ERBB2: variants seen among roughly 807,000 people sequenced by gnomAD.
The protein encoded by ERBB2 is erb-b2 receptor tyrosine kinase 2.
In ERBB2, 61 loss-of-function variants were observed where a neutral mutation model predicts 149.0. The ratio of observed to expected loss-of-function variants is 0.41; its 90% CI spans 0.33 to 0.51. ERBB2 has a LOEUF of 0.51. Among genes scored for constraint, ERBB2 ranks in the 20% least tolerant of loss-of-function variants. The pLI, the probability that ERBB2 is intolerant of heterozygous loss-of-function variation, is 0.25. For missense variants in ERBB2, 1,205 were observed against 1,655.1 expected (o/e 0.73, Z 4.72); for synonymous variants, 633 against 678.8 (o/e 0.93, Z 1.05).
upstream of ERBB2, among the ~76,000 whole-genome samples, chr17:39,691,930 T>TATAC (rs376500288): frequency 2.0e-4 from 16 of 80,796 alleles, no homozygotes; most frequent in East Asian, 2.9e-3. Flanking sequence ...TACATATACA[T>TATAC]ATACATATAT....
intron 2 of ERBB2, among the ~76,000 whole-genome samples, chr17:39,689,822 T>C (rs1329337811): frequency 1.3e-5 from 2 of 151,622 alleles, no homozygotes; most frequent in East Asian, 3.9e-4. Context: ...GGAGAATCGC[T>C]TGAACCCAGG....
chr17:39,697,683 CTT>C (rs1241687503), upstream of ERBB2, among the ~76,000 whole-genome samples: 1 of 151,278 alleles, frequency 6.6e-6, no homozygotes, highest in East Asian at 2.0e-4. Flanking sequence ...TGTTCAATTC[CTT>C]TCTCTCTCTT....
chr17:39,723,248 C>T lies in ERBB2; in HGVS notation c.1947-71C>T. On this transcript the variant is annotated intron_variant, in intron 16 of 26. Coordinates refer to ENST00000269571, the MANE Select transcript of ERBB2 (RefSeq NM_004448.4). This position sits in a 1 kb window ranked among gnomAD's most constrained non-coding sequence, Gnocchi z 6.2. ...TCCGAATGCCAAACACCTTCATGTC[C>T]CCCGTGGGCCCCCTTTGTCCCTCCC... 6.8e-7 allele frequency: 1 copy of T among 1,481,148 alleles called. No homozygotes were observed. The highest frequency in any genetic ancestry group is 1.2e-5 in the South Asian group (1 of 84,266). The allele number at this position is 1,481,148 out of a possible 1,614,324, so 91.8% of individuals were successfully genotyped here.
intron 7 of ERBB2, 82 bp downstream of exon 7, chr17:39,710,563 T>A (rs2145530965): frequency 6.7e-7 from 1 of 1,501,256 alleles, no homozygotes; most frequent in Non-Finnish European, 9.2e-7. Context: ...GGGAGCACTG[T>A]CTGCATCTTG....
upstream of ERBB2, among the ~76,000 whole-genome samples, chr17:39,694,247 ATATATATATATATATATATATGTG>A (rs1567887995): frequency 1.4e-4 from 6 of 43,846 alleles, no homozygotes; most frequent in South Asian, 1.1e-3. Context: ...ATATATATAT[ATATATATATATATATATATATGTG>A]TGTATATATA....
upstream of ERBB2, among the ~76,000 whole-genome samples, chr17:39,691,464 A>C (rs746426025): frequency 1.1e-4 from 16 of 151,092 alleles, no homozygotes; most frequent in South Asian, 2.1e-4. Context: ...GAATTGCTTG[A>C]ACCAGGGAGT....
At chr17:39,719,008 C>T (rs2059304355) in intron 15 of ERBB2, among the ~76,000 whole-genome samples, 1 of 152,160 alleles carries the variant, frequency 6.6e-6, no homozygotes, top group African/African-American at 2.4e-5. Context: ...CGCCTGTAAT[C>T]CCAGCACTTT....
chr17:39,724,270 TAA>T (rs2059614243), intron 19 of ERBB2, among the ~76,000 whole-genome samples: 2 of 128,190 alleles, frequency 1.6e-5, no homozygotes, highest in South Asian at 2.8e-4. Context: ...AAGCGCCCGC[TAA>T]TTTTTTTTTT....
At chr17:39,715,565 GGGGAGGAGTCCCA>G (rs779252134) in intron 11 of ERBB2, 29 bp downstream of exon 11, 65 of 1,605,744 alleles carry the variant, frequency 4.0e-5, no homozygotes, top group East Asian at 1.1e-4. Flanking sequence ...GGGGCCTGAT[GGGGAGGAGTCCCA>G]GGGAGGAGTC....
chr17:39,697,358 T>G (rs1398029562), upstream of ERBB2, among the ~76,000 whole-genome samples: 3 of 147,414 alleles, frequency 2.0e-5, no homozygotes, highest in African/African-American at 7.8e-5. Context: ...TGTTTTGTTT[T>G]TTTTTTTTTT....
chr17:39,695,891 T>A (rs1406200545), upstream of ERBB2, among the ~76,000 whole-genome samples: 2 of 152,154 alleles, frequency 1.3e-5, no homozygotes, highest in African/African-American at 2.4e-5. Context: ...CTCTTCAGTG[T>A]CAGTGGTCAC....
intron 9 of ERBB2, among the ~76,000 whole-genome samples, chr17:39,714,082 C>T (rs1029004494): frequency 2.0e-5 from 3 of 150,798 alleles, no homozygotes; most frequent in Non-Finnish European, 4.4e-5. Context: ...AAAAAAAATT[C>T]CCTTTCACAC....
rs1053130436 is a variant in ERBB2, at chr17:39,709,410, C to A, written c.532C>A (p.Gln178Lys). The change falls in exon 4 of 27, where the codon CAG becomes AAG. Residue 178 changes from glutamine (Q) to lysine (K), a missense_variant. Coordinates refer to ENST00000269571, the MANE Select transcript of ERBB2 (RefSeq NM_004448.4). ...LWKDIFHKNN[Q>K]LALTLIDTNR... is the part of the protein sequence containing the mutation. The stretch of plus-strand genomic sequence containing the variant: ...GAAGGACATCTTCCACAAGAACAAC[C>A]AGCTGGCTCTCACACTGATAGACAC... The A allele has an allele frequency of 6.2e-7, 1 of 1,613,998 alleles. No homozygotes were observed. The highest frequency in any genetic ancestry group is 8.5e-7 in the Non-Finnish European group (1 of 1,180,016).
rs766484337 is a variant in ERBB2 at position 39,716,443 on chromosome 17, G to A, written c.1646+10G>A. ...GCCGAGTACTGCAGGGGTATGAGGG[G>A]CGGAGGAGAGGGTGGCTGGAGGGGT... is the stretch of plus-strand genomic sequence containing the variant. On this transcript the variant is annotated intron_variant, in intron 13 of 26. Coordinates refer to ENST00000269571, the MANE Select transcript of ERBB2 (RefSeq NM_004448.4). 6 of 1,612,826 alleles carry A rather than the reference G, an allele frequency of 3.7e-6. No homozygotes were observed. Among genetic ancestry groups the A allele is most frequent in the East Asian group, 2.2e-5 (1 of 44,846 alleles).
Position 39,727,732 on chromosome 17 carries a change from C to G in ERBB2, c.3456C>G (p.Pro1152=), listed in dbSNP as rs551805660. The G allele has an allele frequency of 1.3e-6, 2 of 1,581,810 alleles. No individual in the cohort carries two copies. The highest frequency in any genetic ancestry group is 1.7e-6 in the Non-Finnish European group (2 of 1,162,386). ...ATGTTCGGCCCCAGCCCCCTTCGCC[C>G]CGAGAGGGCCCTCTGCCTGCTGCCC... ...QPDVRPQPPS[P]REGPLPAARP... is the part of the protein sequence containing the mutation. The change falls in exon 27 of 27, where the codon CCC becomes CCG. Residue 1152 remains proline, a synonymous_variant. Transcript: ENST00000269571. The surrounding 1 kb of genome is among the most constrained non-coding windows in gnomAD (Gnocchi z 4.3).
In ERBB2 at chr17:39,727,045, C is replaced by A. The variant is rs750970918; in HGVS notation, c.3159+42C>A. ...ACACTGTGTGGCTGTCTGCTTACCT[C>A]CCCCAACCCCGGTGGACTAGGGTCC... On this transcript the variant is annotated intron_variant, in intron 25 of 26. Coordinates refer to ENST00000269571, the MANE Select transcript of ERBB2 (RefSeq NM_004448.4). This position sits in a 1 kb window ranked among gnomAD's most constrained non-coding sequence, Gnocchi z 4.3. 1 of 1,505,018 alleles carries A rather than the reference C, an allele frequency of 6.6e-7. No individual in the cohort carries two copies. The highest frequency in any genetic ancestry group is 8.9e-7 in the Non-Finnish European group (1 of 1,119,858). The allele number at this position is 1,505,018 out of a possible 1,614,324, so 93.2% of individuals were successfully genotyped here.
chr17:39,709,599 C>A, intron 4 of ERBB2, 147 bp downstream of exon 4: 2 of 1,009,026 alleles, frequency 2.0e-6, no homozygotes, highest in East Asian at 5.2e-5. Context: ...CTGCCATCTC[C>A]CTGTGCCTCT....
intron 3 of ERBB2, 132 bp from the exon 4 acceptor site, chr17:39,709,186 C>T: frequency 9.7e-7 from 1 of 1,036,250 alleles, no homozygotes; most frequent in Non-Finnish European, 1.4e-6. Flanking sequence ...GTAAAGATAG[C>T]TTTCTCTCCT....
At chr17:39,699,991 C>T (rs945857980), upstream of ERBB2, 2 of 1,266,360 alleles carry the variant, frequency 1.6e-6, no homozygotes, top group East Asian at 6.2e-5. Context: ...TGCTCCCAAT[C>T]ACAGGAGAAG....
Sources: gnomAD v4.1 joint callset for allele counts (sites outside exome capture counted in the v4.1 genomes callset) on GRCh38, gnomAD v4.1.1 for gene constraint, Gnocchi (gnomAD v3.1) non-coding constraint, MANE v1.5 for transcripts, NCBI Gene and HGNC (gene_info 2026-07-23, HGNC 2026-07-21) for gene names.